Variants in SOX6 observed in about 807,000 individuals in gnomAD.
SOX6 encodes the protein SRY-box transcription factor 6.
Under a neutral mutation model 97.8 loss-of-function variants are expected in SOX6, and 11 were observed. That is an observed-to-expected ratio of 0.11 (90% CI 0.07 to 0.19). SOX6 has a LOEUF of 0.19. SOX6 is among the 10% of genes least tolerant of loss of function. The pLI is 1.00. For missense variants in SOX6, 810 were observed against 1,039.5 expected, an observed-to-expected ratio of 0.78 and a Z score of 3.04; for synonymous variants, 360 against 371.4, an observed-to-expected ratio of 0.97 and a Z score of 0.35.
intron 6 of SOX6, among the ~76,000 whole-genome samples, chr11:16,155,997 T>G (rs867447430): frequency 3.6e-4 from 55 of 152,210 alleles, no homozygotes; most frequent in African/African-American, 1.3e-3. Flanking sequence ...GTATGCTTTT[T>G]GTTTCTCTGA....
intron 15 of SOX6, among the ~76,000 whole-genome samples, chr11:15,979,207 G>A (rs1419956844): frequency 6.6e-6 from 1 of 151,278 alleles, no homozygotes; most frequent in African/African-American, 2.4e-5. Context: ...CCTTCCAGTT[G>A]AATAGGCCAA....
At chr11:16,194,615 C>T (rs1190362046) in intron 4 of SOX6, among the ~76,000 whole-genome samples, 1 of 152,128 alleles carries the variant, frequency 6.6e-6, no homozygotes, top group East Asian at 1.9e-4. Flanking sequence ...AGTGTACTAA[C>T]AAGGCAAAAA....
chr11:16,560,442 T>G (rs1219029784), intron 4 of SOX6, among the ~76,000 whole-genome samples: 2 of 132,486 alleles, frequency 1.5e-5, no homozygotes, highest in African/African-American at 2.6e-5. Flanking sequence ...TACGTACATA[T>G]ATGTTTATAC....
intron 13 of SOX6, among the ~76,000 whole-genome samples, chr11:16,005,901 T>C (rs1369115172): frequency 6.6e-6 from 1 of 151,984 alleles, no homozygotes; most frequent in Admixed American, 6.6e-5. Context: ...TTTTCCCCTC[T>C]GGTACTATGA....
intron 2 of SOX6, among the ~76,000 whole-genome samples, chr11:16,338,069 T>A (rs1392029188): frequency 6.6e-6 from 1 of 152,128 alleles, no homozygotes; most frequent in Non-Finnish European, 1.5e-5. Flanking sequence ...AGGGCTTGTT[T>A]CTAACAGTTC....
intron 4 of SOX6, among the ~76,000 whole-genome samples, chr11:16,207,653 T>C (rs1264512667): frequency 1.3e-5 from 2 of 151,750 alleles, no homozygotes; most frequent in African/African-American, 4.8e-5. Flanking sequence ...ATTGAGGACA[T>C]TTTATGTGCT....
At chr11:16,109,469 T>A (rs774330802) in intron 7 of SOX6, among the ~76,000 whole-genome samples, 7 of 152,118 alleles carry the variant, frequency 4.6e-5, no homozygotes, top group Non-Finnish European at 1.0e-4. Context: ...CCCAACGTGC[T>A]GGGATTACAG....
chr11:16,172,150 A>C (rs1851057534), intron 6 of SOX6, among the ~76,000 whole-genome samples: 2 of 151,904 alleles, frequency 1.3e-5, no homozygotes, highest in Non-Finnish European at 2.9e-5. Flanking sequence ...ATGAAAATGC[A>C]ACACTTGGGG....
intron 1 of SOX6, among the ~76,000 whole-genome samples, chr11:16,443,178 C>T (rs1020426799): frequency 6.6e-6 from 1 of 152,102 alleles, no homozygotes; most frequent in African/African-American, 2.4e-5. Flanking sequence ...TGAAGCTTCC[C>T]CCCAGTTCTT....
intron 4 of SOX6, among the ~76,000 whole-genome samples, chr11:16,536,596 C>A (rs1363222222): frequency 6.6e-6 from 1 of 152,208 alleles, no homozygotes; most frequent in Non-Finnish European, 1.5e-5. Context: ...TACACCCCCA[C>A]ACAAATACTG....
intron 6 of SOX6, among the ~76,000 whole-genome samples, chr11:16,160,019 A>T (rs907576695): frequency 6.6e-6 from 1 of 152,142 alleles, no homozygotes; most frequent in Non-Finnish European, 1.5e-5. Flanking sequence ...TATTGGCAAG[A>T]CCTGATAAAA....
At chr11:16,679,842 G>A in intron 3 of SOX6, among the ~76,000 whole-genome samples, 1 of 152,180 alleles carries the variant, frequency 6.6e-6, no homozygotes, top group East Asian at 1.9e-4. Context: ...ATTTGATCAA[G>A]TGGAAGAAAG....
chr11:16,144,234 C>T (rs1355874996), intron 6 of SOX6, among the ~76,000 whole-genome samples: 3 of 152,198 alleles, frequency 2.0e-5, no homozygotes, highest in Admixed American at 6.5e-5. Context: ...AACTGAACAA[C>T]CTGCTCCTGA....
chr11:16,452,809 G>A (rs1359038701), intron 1 of SOX6, among the ~76,000 whole-genome samples: 1 of 152,110 alleles, frequency 6.6e-6, no homozygotes, highest in Non-Finnish European at 1.5e-5. Flanking sequence ...TGAAGAAAGG[G>A]AAGAAGCCCA....
At chr11:16,107,410 T>C (rs1311135856) in intron 7 of SOX6, among the ~76,000 whole-genome samples, 3 of 146,238 alleles carry the variant, frequency 2.1e-5, no homozygotes, top group Admixed American at 6.9e-5. Context: ...TATATGTATA[T>C]ATATATACAT....
intron 4 of SOX6, among the ~76,000 whole-genome samples, chr11:16,496,395 C>T (rs142881605): frequency 5.3e-4 from 80 of 151,582 alleles, no homozygotes; most frequent in East Asian, 2.3e-3. Flanking sequence ...GCGTGAGAAA[C>T]GCAGAAGATG....
Position 16,234,609 on chromosome 11 carries a change from T to C in SOX6, c.508A>G (p.Thr170Ala), listed in dbSNP as rs1272679639. ...DWKEKMERLN[T>A]SELLGEIKGT... ...TTAATTTCTCCAAGAAGTTCACTGG[T>C]ATTTAGTCTTTCCATTTTTTCCTTC... is the stretch of plus-strand genomic sequence containing the variant. Residue 170 changes from threonine to alanine, a missense_variant, in exon 4 of 16, where the codon ACC (threonine) becomes GCC (alanine). Transcript: ENST00000683767. 2 of 1,596,888 alleles carry C rather than the reference T, an allele frequency of 1.3e-6. No homozygotes were observed. The highest frequency in any genetic ancestry group is 1.7e-6 in the Non-Finnish European group (2 of 1,167,330).
At chr11:16,635,281 C>T (rs970494407) in intron 3 of SOX6, among the ~76,000 whole-genome samples, 1 of 152,156 alleles carries the variant, frequency 6.6e-6, no homozygotes, top group Non-Finnish European at 1.5e-5. Context: ...TGTTGAATGG[C>T]TTTGACCAAA....
intron 4 of SOX6, among the ~76,000 whole-genome samples, chr11:16,504,044 A>AAAAT (rs77343447): frequency 4.9e-4 from 69 of 139,600 alleles, no homozygotes; most frequent in Non-Finnish European, 6.9e-4. Flanking sequence ...CTCCATCTCA[A>AAAAT]AAATAAATAA....
Sources: allele counts gnomAD v4.1 joint callset (sites outside exome capture counted in the v4.1 genomes callset), GRCh38; gene constraint gnomAD v4.1.1; transcripts MANE v1.5; gene names NCBI Gene and HGNC (gene_info 2026-07-23, HGNC 2026-07-21).